ANXA8: variants seen among roughly 807,000 people sequenced by gnomAD.
ANXA8 encodes annexin A8.
ANXA8 carries 9 observed loss-of-function variants against 26.8 expected under a neutral mutation model. That is an observed-to-expected ratio of 0.34 (90% CI 0.20 to 0.59). The LOEUF (loss-of-function observed/expected upper bound fraction) is 0.59. Among genes scored for constraint, ANXA8 ranks in the 20% least tolerant of loss-of-function variants. ANXA8 has a pLI of 0.84. For synonymous variants in ANXA8, 39 were observed against 94.8 expected, an observed-to-expected ratio of 0.41 and a Z score of 3.42; for missense variants, 83 against 238.5, an observed-to-expected ratio of 0.35 and a Z score of 4.29.
the ANXA8 span, among the ~76,000 whole-genome samples, chr10:47,603,701 G>A: frequency 6.8e-6 from 1 of 147,572 alleles, no homozygotes; most frequent in Non-Finnish European, 1.5e-5. Context: ...ATTAGAGACG[G>A]GGTTTCACCA....
the ANXA8 span, among the ~76,000 whole-genome samples, chr10:47,516,677 G>A: frequency 1.5e-5 from 2 of 135,448 alleles, no homozygotes; most frequent in Non-Finnish European, 3.1e-5. Context: ...TATTGAACTA[G>A]GATGACAAAA....
chr10:47,613,617 C>A, the ANXA8 span, among the ~76,000 whole-genome samples: 1 of 77,924 alleles, frequency 1.3e-5, no homozygotes, highest in Admixed American at 1.4e-4. Context: ...AAGACATCTT[C>A]GTATTTAATA....
chr10:47,490,458 C>A, the ANXA8 span: 1 of 152,158 alleles, frequency 6.6e-6, no homozygotes, highest in Admixed American at 6.5e-5. Context: ...CTGCGAAGGC[C>A]CCGAGTTCTG....
At chr10:47,639,280 C>G in the ANXA8 span, among the ~76,000 whole-genome samples, 1 of 146,376 alleles carries the variant, frequency 6.8e-6, no homozygotes, top group African/African-American at 2.6e-5. Flanking sequence ...CCACAGGCGC[C>G]TGCTACCACG....
chr10:47,944,404 C>G, the ANXA8 span, among the ~76,000 whole-genome samples: 1 of 149,444 alleles, frequency 6.7e-6, no homozygotes, highest in Admixed American at 6.6e-5. Flanking sequence ...AATGTCCACA[C>G]CCAAGGGGGG....
the ANXA8 span, among the ~76,000 whole-genome samples, chr10:47,767,593 G>A: frequency 2.7e-5 from 4 of 149,286 alleles, no homozygotes; most frequent in African/African-American, 9.8e-5. Context: ...ACAGTACCTG[G>A]CACTCCCCTA....
At chr10:47,920,258 A>G in the ANXA8 span, among the ~76,000 whole-genome samples, 2 of 92,340 alleles carry the variant, frequency 2.2e-5, no homozygotes, top group African/African-American at 1.1e-4. Context: ...TTTTTTTGAG[A>G]CAGAGTCTCG....
At chr10:47,684,414 G>GTTT in the ANXA8 span, among the ~76,000 whole-genome samples, 38 of 125,812 alleles carry the variant, frequency 3.0e-4, no homozygotes, top group African/African-American at 8.2e-4. Context: ...TTCTAGTCAA[G>GTTT]TTTTTTTTTG....
At chr10:47,500,999 T>G in the ANXA8 span, among the ~76,000 whole-genome samples, 1 of 141,010 alleles carries the variant, frequency 7.1e-6, no homozygotes, top group African/African-American at 2.7e-5. Context: ...GTTCACGCCA[T>G]TCTCCTGCCT....
At chr10:47,989,152 C>T in the ANXA8 span, among the ~76,000 whole-genome samples, 2 of 141,942 alleles carry the variant, frequency 1.4e-5, no homozygotes, top group African/African-American at 5.1e-5. Context: ...CCCAGCCTGA[C>T]TCAGAAGCTG....
chr10:47,567,713 AATT>A, the ANXA8 span, among the ~76,000 whole-genome samples: 1 of 147,540 alleles, frequency 6.8e-6, no homozygotes, highest in African/African-American at 2.5e-5. Flanking sequence ...ATTATTGGTT[AATT>A]ATTATTATGT....
chr10:47,699,920 T>G, the ANXA8 span, among the ~76,000 whole-genome samples: 1 of 151,718 alleles, frequency 6.6e-6, no homozygotes, highest in Non-Finnish European at 1.5e-5. Context: ...TTTACTATAG[T>G]AATAAAGAAG....
At chr10:47,733,167 T>TTCTTTCTTTCTTTCTCTCTCTC in the ANXA8 span, among the ~76,000 whole-genome samples, 65 of 99,714 alleles carry the variant, frequency 6.5e-4, no homozygotes, top group African/African-American at 1.9e-3. Context: ...CTTTCTTTCT[T>TTCTTTCTTTCTTTCTCTCTCTC]TCTTTCTTTC....
chr10:47,720,233 G>A, the ANXA8 span, among the ~76,000 whole-genome samples: 15 of 145,394 alleles, frequency 1.0e-4, 2 homozygotes, highest in East Asian at 1.1e-3. Context: ...CCCAGGAATC[G>A]TTATAGGAAT....
the ANXA8 span, among the ~76,000 whole-genome samples, chr10:47,722,789 T>C: frequency 7.1e-6 from 1 of 141,644 alleles, no homozygotes; most frequent in Admixed American, 7.1e-5. Context: ...CGTTGGAGAG[T>C]GGATTAGAAT....
the ANXA8 span, among the ~76,000 whole-genome samples, chr10:47,717,868 G>A: frequency 6.6e-6 from 1 of 151,884 alleles, no homozygotes; most frequent in Non-Finnish European, 1.5e-5. Flanking sequence ...CATGATGTCG[G>A]GTGCCTGTAG....
chr10:47,657,957 A>G, the ANXA8 span, among the ~76,000 whole-genome samples: 2 of 151,766 alleles, frequency 1.3e-5, no homozygotes, highest in East Asian at 3.8e-4. Context: ...CACTGTTGTC[A>G]TTTAAAATCT....
the ANXA8 span, among the ~76,000 whole-genome samples, chr10:47,528,941 C>A: frequency 4.5e-5 from 6 of 134,674 alleles, no homozygotes; most frequent in Non-Finnish European, 6.4e-5. Context: ...GACCTAGAGG[C>A]TACAATCTGC....
chr10:47,560,214 G>T, the ANXA8 span, among the ~76,000 whole-genome samples: 1 of 151,650 alleles, frequency 6.6e-6, no homozygotes, highest in Non-Finnish European at 1.5e-5. Context: ...TTTGATTTAT[G>T]AATATCATTG....
Sources: allele counts gnomAD v4.1 joint callset (sites outside exome capture counted in the v4.1 genomes callset), GRCh38; gene constraint gnomAD v4.1.1; transcripts MANE v1.5; gene names NCBI Gene and HGNC (gene_info 2026-07-23, HGNC 2026-07-21).